ERBB4: variants seen among roughly 807,000 people sequenced by gnomAD.
ERBB4 encodes receptor tyrosine-protein kinase erbB-4.
Under a neutral mutation model 158.0 loss-of-function variants are expected in ERBB4, and 42 were observed. The observed-to-expected ratio is 0.27, with a 90% confidence interval of 0.21 to 0.34. ERBB4 has a LOEUF of 0.34. Among genes scored for constraint, ERBB4 ranks in the 10% least tolerant of loss-of-function variants. The pLI is 1.00. For synonymous variants in ERBB4, 583 were observed against 558.7 expected, an observed-to-expected ratio of 1.04 and a Z score of -0.61; for missense variants, 1,333 against 1,624.1, an observed-to-expected ratio of 0.82 and a Z score of 3.08.
Position 211,420,614 on chromosome 2 carries a change from A to AAAAG in ERBB4, c.2965-7_2965-4dup. 6.2e-7 allele frequency: 1 copy of AAAAG among 1,610,940 alleles called. No individual in the cohort carries two copies. Among genetic ancestry groups the AAAAG allele is most frequent in the South Asian group, 1.1e-5 (1 of 90,994 alleles). ...GGAAGCTTCATACGATCATCACCCT[A>AAAAG]AAAGAAAGATTGCCCATCAGACACA... is the stretch of plus-strand genomic sequence containing the variant. On this transcript the variant is annotated splice_polypyrimidine_tract_variant and splice_region_variant and intron_variant, in intron 24 of 27. Coordinates refer to ENST00000342788, the MANE Select transcript of ERBB4 (RefSeq NM_005235.3).
At chr2:212,251,963 T>C (rs2084551825) in intron 1 of ERBB4, among the ~76,000 whole-genome samples, 1 of 151,862 alleles carries the variant, frequency 6.6e-6, no homozygotes, top group Non-Finnish European at 1.5e-5. Flanking sequence ...ACTGCAAAAA[T>C]CCAAGCAAGT....
chr2:212,171,157 G>T (rs1395278082), intron 1 of ERBB4, among the ~76,000 whole-genome samples: 1 of 152,054 alleles, frequency 6.6e-6, no homozygotes, highest in East Asian at 1.9e-4. Flanking sequence ...GTGAGACATG[G>T]GGTCAAAGGA....
intron 1 of ERBB4, among the ~76,000 whole-genome samples, chr2:212,252,015 T>G (rs1437944769): frequency 6.6e-6 from 1 of 152,018 alleles, no homozygotes; most frequent in East Asian, 1.9e-4. Context: ...ATGGAGGTGT[T>G]GAAATGTGGT....
intron 2 of ERBB4, among the ~76,000 whole-genome samples, chr2:211,980,595 GATATGTGTACC>G (rs1489218942): frequency 1.3e-5 from 2 of 152,078 alleles, no homozygotes; most frequent in African/African-American, 4.8e-5. Flanking sequence ...ATGCCTCCCT[GATATGTGTACC>G]TGTTGTTATT....
At chr2:211,496,620 T>C (rs1161769017) in intron 20 of ERBB4, among the ~76,000 whole-genome samples, 2 of 152,014 alleles carry the variant, frequency 1.3e-5, no homozygotes, top group Non-Finnish European at 2.9e-5. Flanking sequence ...ATATCATCTC[T>C]CACCTCAATT....
chr2:211,438,589 A>T (rs1377973420), intron 20 of ERBB4, among the ~76,000 whole-genome samples: 1 of 152,196 alleles, frequency 6.6e-6, no homozygotes, highest in Non-Finnish European at 1.5e-5. Flanking sequence ...ATGTATTTTT[A>T]AAATAAATAA....
At chr2:211,947,682 T>G in intron 2 of ERBB4, 66 bp from the exon 3 acceptor site, 1 of 1,326,990 alleles carries the variant, frequency 7.5e-7, no homozygotes, top group South Asian at 1.3e-5. Context: ...TGTAGCAATT[T>G]AGATTAAAAT....
At chr2:211,555,851 A>G (rs1239904572) in intron 20 of ERBB4, among the ~76,000 whole-genome samples, 1 of 152,210 alleles carries the variant, frequency 6.6e-6, no homozygotes, top group African/African-American at 2.4e-5. Context: ...AAAGACCATT[A>G]CCAGTCACAG....
intron 25 of ERBB4, among the ~76,000 whole-genome samples, chr2:211,403,628 A>G (rs1465499006): frequency 1.3e-5 from 2 of 152,128 alleles, no homozygotes; most frequent in African/African-American, 4.8e-5. Context: ...TGCTTTAACT[A>G]CCATATAGCT....
chr2:211,608,323 T>A (rs1427978932), intron 19 of ERBB4, among the ~76,000 whole-genome samples: 1 of 152,108 alleles, frequency 6.6e-6, no homozygotes. Context: ...TATTGTTACA[T>A]GTGGCCCACC....
intron 1 of ERBB4, among the ~76,000 whole-genome samples, chr2:212,199,072 C>T (rs2082516702): frequency 6.6e-6 from 1 of 152,014 alleles, no homozygotes; most frequent in South Asian, 2.1e-4. Context: ...GGGGAATCAC[C>T]ATACTGTTTT....
At chr2:212,537,405 C>T (rs886802978) in intron 1 of ERBB4, among the ~76,000 whole-genome samples, 4 of 152,154 alleles carry the variant, frequency 2.6e-5, no homozygotes, top group African/African-American at 9.6e-5. Flanking sequence ...ACTCTAGTGT[C>T]AGAAACTTTG....
chr2:212,239,199 T>C (rs2083992423), intron 1 of ERBB4, among the ~76,000 whole-genome samples: 2 of 152,130 alleles, frequency 1.3e-5, no homozygotes, highest in Admixed American at 1.3e-4. Context: ...GTGCATGCCA[T>C]CATGCCTGGC....
At position 211,837,384 on chromosome 2, in the gene ERBB4, G is replaced by T. The variant is rs758574615; in HGVS notation, c.422-49225C>A. Among the ~76,000 whole-genome samples the T allele has an allele frequency of 2.6e-5, 4 of 151,980 alleles. No individual in the cohort carries two copies. In the South Asian group the frequency reaches 6.2e-4, roughly 24 times the overall value. ...AAAAACTCCTCTCAAGTACATAAAG[G>T]GCTCTTAAATAGATTCTCTGCACCA... is the stretch of plus-strand genomic sequence containing the variant. On this transcript the variant is annotated intron_variant, in intron 3 of 27. Transcript: ENST00000342788.
chr2:211,885,991 A>G (rs2078790298), intron 3 of ERBB4, among the ~76,000 whole-genome samples: 1 of 152,206 alleles, frequency 6.6e-6, no homozygotes, highest in South Asian at 2.1e-4. Flanking sequence ...TAAATTTTCT[A>G]TACGTCAAAT....
intron 2 of ERBB4, among the ~76,000 whole-genome samples, chr2:212,096,157 C>T (rs112241878): frequency 9.2e-5 from 14 of 151,814 alleles, no homozygotes; most frequent in African/African-American, 2.7e-4. Context: ...TTGTGCTTCA[C>T]AGAGAAAAGC....
chr2:212,239,451 G>T (rs576933216), intron 1 of ERBB4, among the ~76,000 whole-genome samples: 1 of 152,296 alleles, frequency 6.6e-6, no homozygotes, highest in East Asian at 1.9e-4. Context: ...GTTTTGTAGG[G>T]AGTAAATCAC....
At chr2:212,006,130 AT>A (rs2076254040) in intron 2 of ERBB4, among the ~76,000 whole-genome samples, 1 of 152,196 alleles carries the variant, frequency 6.6e-6, no homozygotes, top group Admixed American at 6.5e-5. Context: ...CATCAAGTGA[AT>A]TTTATCTGAA....
At chr2:211,849,113 A>G (rs537575163) in intron 3 of ERBB4, among the ~76,000 whole-genome samples, 1 of 152,144 alleles carries the variant, frequency 6.6e-6, no homozygotes, top group African/African-American at 2.4e-5. Context: ...CAATAAGTAC[A>G]GTGTTTTTTT....
Sources: gnomAD v4.1 joint callset for allele counts (sites outside exome capture counted in the v4.1 genomes callset) on GRCh38, gnomAD v4.1.1 for gene constraint, MANE v1.5 for transcripts, NCBI Gene and HGNC (gene_info 2026-07-23, HGNC 2026-07-21) for gene names.